Variants in ZNF789 observed in about 807,000 individuals in gnomAD.
ZNF789 encodes zinc finger protein 789.
In ZNF789, 11 loss-of-function variants were observed where a neutral mutation model predicts 15.6. The observed-to-expected ratio is 0.70, with a 90% CI of 0.44 to 1.16. The LOEUF is 1.16. Ranked by LOEUF, ZNF789 falls within the 50% of genes most tolerant of loss-of-function variation. The pLI, the probability that ZNF789 is intolerant of heterozygous loss-of-function variation, is 0.00. For synonymous variants in ZNF789, 159 were observed against 176.0 expected (o/e 0.90, Z 0.76); for missense variants, 461 against 512.6 (o/e 0.90, Z 0.97).
chr7:99,486,302 G>A (rs141827380), intron 4 of ZNF789, among the ~76,000 whole-genome samples, 174 bp from the exon 5 acceptor site: 150 of 152,258 alleles, frequency 9.9e-4, no homozygotes, highest in African/African-American at 3.5e-3. Flanking sequence ...GCAACAGAGA[G>A]AGACTCCGTC....
intron 4 of ZNF789, 139 bp downstream of exon 4, chr7:99,484,282 G>C: frequency 1.6e-6 from 1 of 623,030 alleles, no homozygotes; most frequent in Admixed American, 3.0e-5. Flanking sequence ...ACTGCCCTGT[G>C]AAGTGGGAGG....
intron 4 of ZNF789, 127 bp downstream of exon 4, chr7:99,484,270 C>G: frequency 1.5e-6 from 1 of 662,816 alleles, no homozygotes. Context: ...TTCTTCATCC[C>G]TACTGCCCTG....
chr7:99,476,643 A>G (rs1425382567), intron 2 of ZNF789, among the ~76,000 whole-genome samples, 163 bp downstream of exon 2: 1 of 152,222 alleles, frequency 6.6e-6, no homozygotes, highest in Non-Finnish European at 1.5e-5. Context: ...TCAGTTACAT[A>G]AACACTCTGG....
chr7:99,478,446 C>A, intron 2 of ZNF789: 1 of 1,084,772 alleles, frequency 9.2e-7, no homozygotes, highest in Non-Finnish European at 1.2e-6. Context: ...CTGGTGCCTG[C>A]CTGCAGAGGG....
At chr7:99,474,636 A>G (rs565266186) in intron 1 of ZNF789, among the ~76,000 whole-genome samples, 3 of 151,436 alleles carry the variant, frequency 2.0e-5, no homozygotes, top group Non-Finnish European at 4.4e-5. Context: ...GTTGGGTTGG[A>G]TTCAAAGTCG....
intron 1 of ZNF789, among the ~76,000 whole-genome samples, chr7:99,474,573 G>A (rs1799211203): frequency 1.3e-5 from 2 of 150,858 alleles, no homozygotes; most frequent in Non-Finnish European, 2.9e-5. Context: ...CAGCCTGGGC[G>A]ACAGAGCGAG....
At chr7:99,486,221 G>A (rs1024459570) in intron 4 of ZNF789, among the ~76,000 whole-genome samples, 1 of 152,108 alleles carries the variant, frequency 6.6e-6, no homozygotes, top group African/African-American at 2.4e-5. Flanking sequence ...GGGAGGCTGA[G>A]GCAGGGGAAT....
intron 2 of ZNF789, among the ~76,000 whole-genome samples, chr7:99,477,090 T>C (rs937826942): frequency 3.9e-5 from 6 of 152,018 alleles, no homozygotes; most frequent in African/African-American, 1.4e-4. Flanking sequence ...GTTGCCAGGC[T>C]GGAGTGTAGT....
At position 99,487,484 on chromosome 7, in the gene ZNF789, CATG is replaced by C. The variant is rs1800033691; in HGVS notation, c.1278_*2del. ...GGCACTCACAAAGGACAGATATCCA[CATG>C]ATGTTAATTGGAAAGCAGTCATTGG... On this transcript the variant is annotated stop_lost and inframe_deletion, in exon 5 of 5. Coordinates refer to ENST00000331410, the MANE Select transcript of ZNF789 (RefSeq NM_213603.3). 1 of 1,606,296 alleles carries C rather than the reference CATG, an allele frequency of 6.2e-7. No individual in the cohort carries two copies.
At chr7:99,483,629 TA>T (rs1009494127) in intron 3 of ZNF789, 11 of 736,964 alleles carry the variant, frequency 1.5e-5, no homozygotes, top group African/African-American at 1.4e-4. Flanking sequence ...GTCTCAAAAA[TA>T]AAAAAAATAA....
intron 3 of ZNF789, chr7:99,481,488 G>T (rs987688706): frequency 1.3e-5 from 2 of 151,242 alleles, no homozygotes; most frequent in African/African-American, 4.9e-5. Context: ...ACAGAGTTTC[G>T]CTCTTGTTGC....
chr7:99,475,173 A>G (rs1474503706), intron 1 of ZNF789, among the ~76,000 whole-genome samples: 1 of 152,118 alleles, frequency 6.6e-6, no homozygotes, highest in Non-Finnish European at 1.5e-5. Context: ...TGGGTGGATC[A>G]CCTGAGATCA....
intron 3 of ZNF789, among the ~76,000 whole-genome samples, chr7:99,482,644 C>T (rs915575354): frequency 6.6e-5 from 10 of 151,162 alleles, no homozygotes; most frequent in East Asian, 2.0e-4. Context: ...CACCTGAGGT[C>T]GGGAGTTCGA....
chr7:99,477,879 T>G (rs1459296130), intron 2 of ZNF789, among the ~76,000 whole-genome samples: 1 of 151,726 alleles, frequency 6.6e-6, no homozygotes, highest in Non-Finnish European at 1.5e-5. Context: ...ACCGAGGAGG[T>G]GGAGGTTGCA....
In ZNF789 at chr7:99,479,755, T is replaced by C; in HGVS notation, c.119T>C (p.Met40Thr). Residue 40 changes from methionine to threonine, a missense_variant, in exon 3 of 5, where the codon ATG (methionine) becomes ACG (threonine). Transcript: ENST00000331410. ...CAGAAGGACCTCTACCGAGATGTGA[T>C]GTTGGAGAACTACAGGAACATGGTC... ...WGQKDLYRDVMLENYRNMVLL... is the reference protein window; with the variant it reads ...WGQKDLYRDVTLENYRNMVLL... 6.2e-7 allele frequency: 1 copy of C among 1,613,858 alleles called. No individual in the cohort carries two copies. Among genetic ancestry groups the C allele is most frequent in the Non-Finnish European group, 8.5e-7 (1 of 1,179,890 alleles).
At chr7:99,485,401 C>A in intron 4 of ZNF789, 1 of 686,884 alleles carries the variant, frequency 1.5e-6, no homozygotes, top group South Asian at 1.5e-5. Context: ...CAGACATTGT[C>A]CAAACCCTGT....
At position 99,487,565 on chromosome 7, in the gene ZNF789, C is replaced by T; in HGVS notation, c.*77C>T. 1 of 1,488,278 alleles carries T rather than the reference C, an allele frequency of 6.7e-7. No individual in the cohort carries two copies. Among genetic ancestry groups the T allele is most frequent in the Admixed American group, 2.3e-5 (1 of 44,408 alleles). The allele number at this position is 1,488,278 out of a possible 1,614,324, so 92.2% of individuals were successfully genotyped here. A position where few individuals can be genotyped will look rare whatever the true frequency, so the allele number is the denominator to read the frequency against. On this transcript the variant is annotated 3_prime_UTR_variant, in exon 5 of 5. Coordinates refer to ENST00000331410, the MANE Select transcript of ZNF789 (RefSeq NM_213603.3). ...CAAGTGTGTATCACGTAATTGTTTC[C>T]ATGAAAAGCAATAAATGTAACAAAG...
intron 2 of ZNF789, among the ~76,000 whole-genome samples, chr7:99,477,871 C>T (rs899994267): frequency 2.8e-4 from 42 of 152,240 alleles, no homozygotes; most frequent in African/African-American, 7.9e-4. Flanking sequence ...TTGCTTGAAC[C>T]GAGGAGGTGG....
In ZNF789 at chr7:99,487,589, AG is replaced by A. The variant is rs2151076680; in HGVS notation, c.*104del. ...CCATGAAAAGCAATAAATGTAACAA[AG>A]GGTTTTTCTATGGGAGCCATCTTTG... On this transcript the variant is annotated 3_prime_UTR_variant, in exon 5 of 5. Transcript: ENST00000331410. 1 of 1,412,182 alleles carries A rather than the reference AG, an allele frequency of 7.1e-7. No individual in the cohort carries two copies. The highest frequency in any genetic ancestry group is 1.4e-5 in the African/African-American group (1 of 69,228). The allele number at this position is 1,412,182 out of a possible 1,614,324, so 87.5% of individuals were successfully genotyped here. A position where few individuals can be genotyped will look rare whatever the true frequency, so the allele number is the denominator to read the frequency against.
Sources: allele counts gnomAD v4.1 joint callset (sites outside exome capture counted in the v4.1 genomes callset), GRCh38; gene constraint gnomAD v4.1.1; transcripts MANE v1.5; gene names NCBI Gene and HGNC (gene_info 2026-07-23, HGNC 2026-07-21).